Variants in DYRK1A observed in about 807,000 individuals in gnomAD.
DYRK1A encodes dual specificity tyrosine phosphorylation regulated kinase 1A.
Under a neutral mutation model 79.7 loss-of-function variants are expected in DYRK1A, and 9 were observed. The ratio of observed to expected loss-of-function variants is 0.11; its 90% confidence interval spans 0.07 to 0.20. DYRK1A has a LOEUF of 0.20. Ranked by LOEUF, DYRK1A falls within the 10% of genes least tolerant of loss-of-function variation. The pLI is 1.00. For synonymous variants in DYRK1A, 349 were observed against 329.7 expected, an observed-to-expected ratio of 1.06 and a Z score of -0.63; for missense variants, 622 against 956.0, an observed-to-expected ratio of 0.65 and a Z score of 4.61.
chr21:37,372,189 A>G (rs2049444833), intron 1 of DYRK1A, among the ~76,000 whole-genome samples: 1 of 151,952 alleles, frequency 6.6e-6, no homozygotes, highest in Non-Finnish European at 1.5e-5. Context: ...CACACCTGTA[A>G]TCTCAGCACT....
At chr21:37,479,594 GTTTTTGTTTTTGTTTTTGTTTTTTGTTT>G (rs1569361988) in intron 4 of DYRK1A, among the ~76,000 whole-genome samples, 1 of 24,292 alleles carries the variant, frequency 4.1e-5, no homozygotes, top group African/African-American at 2.3e-4. Context: ...TTGGTGTTTT[GTTTTTGTTTTTGTTTTTGTTTTTTGTTT>G]TTTTTTTTTT....
chr21:37,451,293 G>A (rs1367258253), intron 2 of DYRK1A, among the ~76,000 whole-genome samples: 1 of 152,236 alleles, frequency 6.6e-6, no homozygotes, highest in East Asian at 1.9e-4. Context: ...GTCGACCGTA[G>A]TAGACGGTTT....
rs145530886 is a variant in DYRK1A, at chr21:37,512,063, C to T, written c.1797C>T (p.His599=). The change falls in exon 12 of 12, where the codon CAC becomes CAT. Residue 599 remains histidine, a synonymous_variant. Transcript: ENST00000647188. ...LHHHHGNSSH[H]HHHHHHHHHH... The stretch of plus-strand genomic sequence containing the variant: ...ATCACCATGGTAACAGTTCCCATCA[C>T]CATCACCACCACCACCACCATCACC... The T allele has an allele frequency of 6.2e-7, 1 of 1,614,048 alleles. No individual in the cohort carries two copies. Among genetic ancestry groups the T allele is most frequent in the African/African-American group, 1.3e-5 (1 of 75,016 alleles).
rs145164188 is a variant in DYRK1A at position 37,477,901 on chromosome 21, C to T, written c.208-307C>T. On this transcript the variant is annotated intron_variant, in intron 3 of 11. Transcript: ENST00000647188. ...GTGGTAGAGAAGCCCTCGTGGGCAA[C>T]ATCCTGTGTGTCTCCTAGATTGGCG... 2.8e-3 allele frequency among the ~76,000 whole-genome samples: 421 copies of T among 152,296 alleles called. 3 individuals are homozygous for T. Among genetic ancestry groups the T allele is most frequent in the Non-Finnish European group, 5.0e-3 (338 of 68,028 alleles).
intron 1 of DYRK1A, among the ~76,000 whole-genome samples, chr21:37,416,317 C>CT (rs775621138): frequency 0.039 from 3,800 of 98,114 alleles, 234 homozygotes; most frequent in African/African-American, 0.12. Context: ...GTGTTTTGGC[C>CT]TTTTTTTTTT....
At position 37,367,195 on chromosome 21, in the gene DYRK1A, G is replaced by A. The variant is rs2049324904; in HGVS notation, c.-510G>A. 1 of 152,104 alleles carries A rather than the reference G, an allele frequency of 6.6e-6. No homozygotes were observed. The highest frequency in any genetic ancestry group is 1.5e-5 in the Non-Finnish European group (1 of 68,026). 9.4% of individuals were successfully genotyped at this position (152,104 alleles called of 1,614,324 possible). A position where few individuals can be genotyped will look rare whatever the true frequency, so the allele number is the denominator to read the frequency against. On this transcript the variant is annotated 5_prime_UTR_variant, in exon 1 of 12. Coordinates refer to ENST00000647188, the MANE Select transcript of DYRK1A (RefSeq NM_001347721.2). ...GGCGGGCGGTTCGGGCTCTCCTGGC[G>A]GAGGAGCCGCCGCCGCCGCCCGGGC...
At chr21:37,419,380 T>C (rs2050419917) in intron 1 of DYRK1A, 1 of 152,198 alleles carries the variant, frequency 6.6e-6, no homozygotes, top group East Asian at 1.9e-4. Flanking sequence ...CAGCTTATTT[T>C]AGAATTTGTC....
At chr21:37,369,904 C>T (rs2049397042) in intron 1 of DYRK1A, among the ~76,000 whole-genome samples, 1 of 152,128 alleles carries the variant, frequency 6.6e-6, no homozygotes, top group Non-Finnish European at 1.5e-5. Flanking sequence ...AAAATAAGTC[C>T]AGTTTTTTAG....
At chr21:37,449,620 C>T (rs1013280375) in intron 2 of DYRK1A, among the ~76,000 whole-genome samples, 4 of 152,122 alleles carry the variant, frequency 2.6e-5, no homozygotes, top group African/African-American at 9.7e-5. Flanking sequence ...GAAAAAAATG[C>T]CTTTGGTTAT....
chr21:37,446,512 C>G (rs537260067), intron 2 of DYRK1A, among the ~76,000 whole-genome samples: 2 of 151,904 alleles, frequency 1.3e-5, no homozygotes, highest in South Asian at 4.2e-4. Context: ...ATTCACATGG[C>G]TTTCCAGCTA....
chr21:37,463,200 G>A (rs2051904051), intron 2 of DYRK1A, among the ~76,000 whole-genome samples: 1 of 112,576 alleles, frequency 8.9e-6, no homozygotes, highest in Non-Finnish European at 1.8e-5. Context: ...TTTAATGTTG[G>A]CACGTGTGTG....
At chr21:37,417,529 C>CTTTTTCTTTTTTTTTTTT (rs1555959239) in intron 1 of DYRK1A, among the ~76,000 whole-genome samples, 1 of 44,072 alleles carries the variant, frequency 2.3e-5, no homozygotes, top group Non-Finnish European at 3.9e-5. Flanking sequence ...TTTTCTTTTT[C>CTTTTTCTTTTTTTTTTTT]TTTTTTTTTT....
chr21:37,418,249 G>A (rs2050395924), intron 1 of DYRK1A, among the ~76,000 whole-genome samples: 1 of 152,066 alleles, frequency 6.6e-6, no homozygotes, highest in Admixed American at 6.6e-5. Flanking sequence ...AGCATATGAT[G>A]GTTTGGTTGC....
At chr21:37,372,288 A>G (rs1288681498) in intron 1 of DYRK1A, among the ~76,000 whole-genome samples, 1 of 103,284 alleles carries the variant, frequency 9.7e-6, no homozygotes, top group East Asian at 2.4e-4. Context: ...AAAAAACAAA[A>G]CAAAACAAAA....
At chr21:37,401,587 A>G (rs777295325) in intron 1 of DYRK1A, among the ~76,000 whole-genome samples, 14 of 151,270 alleles carry the variant, frequency 9.3e-5, no homozygotes, top group Non-Finnish European at 1.5e-4. Context: ...GGTTCAAGCA[A>G]TTCTCCTTTC....
intron 7 of DYRK1A, among the ~76,000 whole-genome samples, chr21:37,491,393 C>T (rs2053088404): frequency 6.6e-6 from 1 of 152,004 alleles, no homozygotes; most frequent in Admixed American, 6.6e-5. Context: ...AACTATATTT[C>T]TTCTGTTTTA....
rs1008098789 is a variant in DYRK1A, at chr21:37,513,927, T to A, written c.*1396T>A. On this transcript the variant is annotated 3_prime_UTR_variant, in exon 12 of 12. Transcript: ENST00000647188. ...CCATTTTTAAATGTCAGTTGAAAATTATGGCTGTACTATTGCTTAAACAAA... is the reference window on the plus strand; with the variant it reads ...CCATTTTTAAATGTCAGTTGAAAATAATGGCTGTACTATTGCTTAAACAAA... The A allele has an allele frequency of 3.9e-5, 6 of 152,676 alleles. No homozygotes were observed. Among genetic ancestry groups the A allele is most frequent in the African/African-American group, 1.4e-4 (6 of 41,466 alleles). The allele number at this position is 152,676 out of a possible 1,614,324, so 9.5% of individuals were successfully genotyped here.
intron 1 of DYRK1A, among the ~76,000 whole-genome samples, chr21:37,406,257 T>C (rs1602419399): frequency 6.6e-6 from 1 of 152,240 alleles, no homozygotes; most frequent in East Asian, 1.9e-4. Context: ...GGTTAATTTT[T>C]AGTTAACCAG....
At chr21:37,377,859 A>G (rs1408419933) in intron 1 of DYRK1A, among the ~76,000 whole-genome samples, 1 of 152,176 alleles carries the variant, frequency 6.6e-6, no homozygotes, top group Non-Finnish European at 1.5e-5. Context: ...TGCTCTTTTA[A>G]ACAATGCTGG....
Sources: allele counts gnomAD v4.1 joint callset (sites outside exome capture counted in the v4.1 genomes callset), GRCh38; gene constraint gnomAD v4.1.1; transcripts MANE v1.5; gene names NCBI Gene and HGNC (gene_info 2026-07-23, HGNC 2026-07-21).